The following SLC35D1 variants were observed in gnomAD, a reference collection of about 807,000 sequenced individuals.
SLC35D1 encodes nucleotide sugar transporter SLC35D1.
Under a neutral mutation model 46.7 loss-of-function variants are expected in SLC35D1, and 31 were observed. That is an observed-to-expected ratio of 0.66 (90% confidence interval 0.50 to 0.90). SLC35D1 has a LOEUF of 0.90. Ranked by LOEUF, SLC35D1 falls within the 40% of genes least tolerant of loss-of-function variation. SLC35D1 has a pLI of 0.00. For missense variants in SLC35D1, 397 were observed against 426.2 expected (o/e 0.93, Z 0.60); for synonymous variants, 195 against 164.6 (o/e 1.18, Z -1.41).
At chr1:67,025,507 G>A (rs1363192894) in intron 8 of SLC35D1, among the ~76,000 whole-genome samples, 2 of 152,128 alleles carry the variant, frequency 1.3e-5, no homozygotes, top group East Asian at 3.9e-4. Context: ...ATCAAGTAGG[G>A]TAAATCCTCT....
intron 8 of SLC35D1, among the ~76,000 whole-genome samples, chr1:67,041,606 T>C (rs763820652): frequency 1.8e-4 from 28 of 152,212 alleles, no homozygotes; most frequent in Admixed American, 5.9e-4. Flanking sequence ...TCTGACAATA[T>C]GTTATCAATT....
chr1:66,977,980 C>T, the SLC35D1 span, among the ~76,000 whole-genome samples: 1 of 152,008 alleles, frequency 6.6e-6, no homozygotes, highest in African/African-American at 2.4e-5. Context: ...GGGTGGATCA[C>T]AAGGTCAGGA....
chr1:67,038,920 G>A (rs762204513), intron 8 of SLC35D1, among the ~76,000 whole-genome samples: 15 of 151,632 alleles, frequency 9.9e-5, no homozygotes, highest in Non-Finnish European at 1.6e-4. Context: ...GTGCTCACTG[G>A]GACGAGTTTT....
chr1:66,979,471 T>A, the SLC35D1 span, among the ~76,000 whole-genome samples: 1 of 152,236 alleles, frequency 6.6e-6, no homozygotes, highest in Non-Finnish European at 1.5e-5. Flanking sequence ...ACATTGTCCC[T>A]ATTTACTACC....
chr1:67,016,465 T>C (rs978729654), intron 10 of SLC35D1, among the ~76,000 whole-genome samples: 11 of 152,050 alleles, frequency 7.2e-5, no homozygotes, highest in African/African-American at 2.7e-4. Flanking sequence ...AAACTTTCAG[T>C]ATTCTAGTTA....
At chr1:67,017,523 A>G (rs1667710001) in intron 10 of SLC35D1, among the ~76,000 whole-genome samples, 1 of 152,160 alleles carries the variant, frequency 6.6e-6, no homozygotes. Flanking sequence ...TTCAGGAAAA[A>G]TCAGAAGTTA....
chr1:67,027,121 T>C (rs866763828), intron 8 of SLC35D1, among the ~76,000 whole-genome samples: 5 of 152,324 alleles, frequency 3.3e-5, no homozygotes, highest in Middle Eastern at 3.4e-3. Flanking sequence ...CTTTGGTACA[T>C]AGTTTGTCTT....
In SLC35D1 at chr1:67,003,392, T is replaced by G. The variant is rs961844430; in HGVS notation, c.*948A>C. 2 of 152,316 alleles carry G rather than the reference T, an allele frequency of 1.3e-5. No individual in the cohort carries two copies. The highest frequency in any genetic ancestry group is 2.9e-5 in the Non-Finnish European group (2 of 68,042). The allele number at this position is 152,316 out of a possible 1,614,324, so 9.4% of individuals were successfully genotyped here. On this transcript the variant is annotated 3_prime_UTR_variant, in exon 12 of 12. Transcript: ENST00000235345. Reference sequence around the variant, plus strand: ...TCATCTCACATTGCAGCATTTGGATTCACACTATTGCCGGGTAGGTAGGGC... The same window carrying G: ...TCATCTCACATTGCAGCATTTGGATGCACACTATTGCCGGGTAGGTAGGGC...
chr1:66,981,821 A>G, the SLC35D1 span: 1 of 1,614,030 alleles, frequency 6.2e-7, no homozygotes, highest in Non-Finnish European at 8.5e-7. Flanking sequence ...AAAGTGCTGC[A>G]TCTAGTCGAG....
chr1:67,003,760 T>G lies in SLC35D1; in HGVS notation c.*580A>C, dbSNP rs534289603. On this transcript the variant is annotated 3_prime_UTR_variant, in exon 12 of 12. Coordinates refer to ENST00000235345, the MANE Select transcript of SLC35D1 (RefSeq NM_015139.3). ...ATGCACTCTGCTCATCCTATGAAAG[T>G]CAGGGAAGCCAACATAGATAGCAAT... The G allele has an allele frequency of 1.3e-5, 2 of 156,970 alleles. No individual in the cohort carries two copies. The highest frequency in any genetic ancestry group is 1.2e-4 in the Admixed American group (2 of 16,256). 9.7% of individuals were successfully genotyped at this position (156,970 alleles called of 1,614,324 possible). A position where few individuals can be genotyped will look rare whatever the true frequency, so the allele number is the denominator to read the frequency against.
At chr1:67,053,235 T>C (rs1223374481) in intron 1 of SLC35D1, among the ~76,000 whole-genome samples, 1 of 151,626 alleles carries the variant, frequency 6.6e-6, no homozygotes, top group African/African-American at 2.4e-5. Context: ...GTCCGCTGCC[T>C]GCAAAGGATT....
the SLC35D1 span, chr1:66,987,183 T>C: frequency 6.5e-6 from 1 of 152,754 alleles, no homozygotes; most frequent in Admixed American, 6.5e-5. Context: ...AATATTTAAT[T>C]GTATTTTGTG....
At position 67,001,365 on chromosome 1, in the gene SLC35D1, A is replaced by G. The variant is rs779827973; in HGVS notation, c.*2975T>C. The G allele has an allele frequency of 2.6e-5, 4 of 152,386 alleles. No individual in the cohort carries two copies. The highest frequency in any genetic ancestry group is 5.9e-5 in the Non-Finnish European group (4 of 68,038). 9.4% of individuals were successfully genotyped at this position (152,386 alleles called of 1,614,324 possible). Reference sequence around the variant, plus strand: ...TGGAGCCTACAAATGATTGACTCATAAAGTCCACAGCCACATGAGGCAATT... The same window carrying G: ...TGGAGCCTACAAATGATTGACTCATGAAGTCCACAGCCACATGAGGCAATT... On this transcript the variant is annotated 3_prime_UTR_variant, in exon 12 of 12. Coordinates refer to ENST00000235345, the MANE Select transcript of SLC35D1 (RefSeq NM_015139.3).
chr1:67,050,397 G>A (rs1645296252), intron 5 of SLC35D1, 36 bp downstream of exon 5: 1 of 1,482,426 alleles, frequency 6.7e-7, no homozygotes, highest in Non-Finnish European at 9.4e-7. Flanking sequence ...TTTTCAAGGT[G>A]ATTTAAAGAA....
downstream of SLC35D1, among the ~76,000 whole-genome samples, chr1:66,997,795 ATTG>A (rs993233875): frequency 1.5e-3 from 220 of 147,510 alleles, no homozygotes; most frequent in Non-Finnish European, 2.3e-3. Context: ...TAATATAAAT[ATTG>A]TTATTTATAT....
chr1:66,978,898 A>G, the SLC35D1 span, among the ~76,000 whole-genome samples: 6 of 152,314 alleles, frequency 3.9e-5, no homozygotes, highest in African/African-American at 1.2e-4. Flanking sequence ...GCTTCTGAAA[A>G]CTTTTTGAAG....
chr1:67,028,660 T>C (rs1183784647), intron 8 of SLC35D1, among the ~76,000 whole-genome samples: 1 of 152,196 alleles, frequency 6.6e-6, no homozygotes, highest in East Asian at 1.9e-4. Context: ...CTTTAAAGTT[T>C]TCATCAAATT....
chr1:66,973,889 T>C, the SLC35D1 span, among the ~76,000 whole-genome samples: 1 of 152,144 alleles, frequency 6.6e-6, no homozygotes, highest in Admixed American at 6.5e-5. Flanking sequence ...GTCCAGGACC[T>C]TGTTGAAAGT....
the SLC35D1 span, among the ~76,000 whole-genome samples, chr1:66,978,749 A>T: frequency 6.6e-6 from 1 of 152,234 alleles, no homozygotes; most frequent in Non-Finnish European, 1.5e-5. Context: ...GGTCAGACCC[A>T]TGGTTCATCC....
Sources: allele counts gnomAD v4.1 joint callset (sites outside exome capture counted in the v4.1 genomes callset), GRCh38; gene constraint gnomAD v4.1.1; transcripts MANE v1.5; gene names NCBI Gene and HGNC (gene_info 2026-07-23, HGNC 2026-07-21).